LARP1: variants seen among roughly 807,000 people sequenced by gnomAD.
LARP1 encodes la-related protein 1.
In LARP1, 36 loss-of-function variants were observed where a neutral mutation model predicts 122.7. The observed-to-expected ratio is 0.29, with a 90% CI of 0.22 to 0.39. The LOEUF (loss-of-function observed/expected upper bound fraction) is 0.39. Ranked by LOEUF, LARP1 falls within the 10% of genes least tolerant of loss-of-function variation. The pLI is 1.00. For synonymous variants in LARP1, 539 were observed against 528.7 expected (o/e 1.02, Z -0.27); for missense variants, 1,040 against 1,403.6 (o/e 0.74, Z 4.14).
intron 1 of LARP1, among the ~76,000 whole-genome samples, chr5:154,740,636 C>T (rs1484420223): frequency 6.6e-6 from 1 of 152,154 alleles, no homozygotes; most frequent in Non-Finnish European, 1.5e-5. Context: ...GGCAGCCTGG[C>T]CGGAAGCCCA....
upstream of LARP1, among the ~76,000 whole-genome samples, chr5:154,709,598 ATTTTTTT>A (rs60062105): frequency 2.5e-5 from 2 of 81,350 alleles, no homozygotes; most frequent in Admixed American, 1.5e-4. Context: ...CTCCAGTGAG[ATTTTTTT>A]TTTTTTTTTT....
At chr5:154,691,569 G>C (rs1043089768) in intron 1 of LARP1, among the ~76,000 whole-genome samples, 5 of 152,190 alleles carry the variant, frequency 3.3e-5, no homozygotes, top group African/African-American at 1.2e-4. Flanking sequence ...TCGTTGAAAA[G>C]GCTCCGGGAT....
chr5:154,756,306 G>C, intron 1 of LARP1, 113 bp downstream of exon 1: 1 of 948,500 alleles, frequency 1.1e-6, no homozygotes, highest in Non-Finnish European at 1.3e-6. Context: ...TGGTGACTCG[G>C]GACTTTTTAA....
At chr5:154,692,894 G>A (rs901699309) in intron 1 of LARP1, among the ~76,000 whole-genome samples, 1 of 151,958 alleles carries the variant, frequency 6.6e-6, no homozygotes, top group African/African-American at 2.4e-5. Context: ...ACATATATAT[G>A]TGTGTGTATA....
chr5:154,748,549 A>G (rs144276037), intron 1 of LARP1, among the ~76,000 whole-genome samples: 1 of 152,334 alleles, frequency 6.6e-6, no homozygotes, highest in East Asian at 1.9e-4. Flanking sequence ...TTTTGTGAAG[A>G]AGTTGACATT....
intron 1 of LARP1, among the ~76,000 whole-genome samples, chr5:154,694,747 C>G (rs1004581371): frequency 2.0e-5 from 3 of 152,152 alleles, no homozygotes; most frequent in African/African-American, 4.8e-5. Context: ...CTTTAAAATG[C>G]TTTAGCCACA....
intron 1 of LARP1, among the ~76,000 whole-genome samples, chr5:154,683,756 CTT>C (rs1447052691): frequency 6.6e-6 from 1 of 152,236 alleles, no homozygotes; most frequent in Non-Finnish European, 1.5e-5. Context: ...ACCCACTAAT[CTT>C]TTCTACCAAA....
intron 1 of LARP1, among the ~76,000 whole-genome samples, chr5:154,786,165 CCT>C (rs1756863366): frequency 1.3e-5 from 2 of 152,148 alleles, no homozygotes; most frequent in East Asian, 3.8e-4. Flanking sequence ...GCCTCAGCCT[CCT>C]GAGTAGCTGG....
intron 1 of LARP1, among the ~76,000 whole-genome samples, chr5:154,773,238 C>T (rs1198092734): frequency 2.0e-5 from 3 of 152,062 alleles, no homozygotes; most frequent in African/African-American, 7.3e-5. Flanking sequence ...CCATGGGTTA[C>T]AAACTATGGC....
rs768571684 is a variant in LARP1, at chr5:154,803,358, G to A, written c.2178G>A (p.Glu726=). The A allele has an allele frequency of 5.6e-6, 9 of 1,614,134 alleles. No homozygotes were observed. Among genetic ancestry groups the A allele is most frequent in the Non-Finnish European group, 7.6e-6 (9 of 1,180,024 alleles). ...AGCAGTTTGACACACTGACCCCTGA[G>A]CCCCCTGTGGATCCCAACCAGGAAG... ...SREQFDTLTP[E]PPVDPNQEVP... Residue 726 remains glutamate (E), a synonymous_variant, in exon 12 of 19, where the codon GAG becomes GAA. Transcript: ENST00000518297. This position sits in a 1 kb window ranked among gnomAD's most constrained non-coding sequence, Gnocchi z 4.4.
chr5:154,754,262 C>A (rs2113528260), upstream of LARP1, among the ~76,000 whole-genome samples: 1 of 152,336 alleles, frequency 6.6e-6, no homozygotes. Context: ...ACTTTGTTAG[C>A]CTAGTTTATA....
At chr5:154,753,197 CAACT>C (rs1217997546), upstream of LARP1, among the ~76,000 whole-genome samples, 2 of 152,150 alleles carry the variant, frequency 1.3e-5, no homozygotes, top group African/African-American at 4.8e-5. Context: ...ACAAAAAGAA[CAACT>C]AACAATAATA....
At chr5:154,747,305 C>CAAAAA (rs1159076798) in intron 1 of LARP1, among the ~76,000 whole-genome samples, 1 of 74,586 alleles carries the variant, frequency 1.3e-5, no homozygotes, top group South Asian at 3.9e-4. Flanking sequence ...GACTCTGTCC[C>CAAAAA]AAAAAAAAAA....
intron 1 of LARP1, among the ~76,000 whole-genome samples, chr5:154,763,748 C>T (rs887465418): frequency 6.8e-6 from 1 of 147,956 alleles, no homozygotes; most frequent in African/African-American, 2.7e-5. Flanking sequence ...ATGCCTGTAA[C>T]CCCAGCACTT....
At chr5:154,753,554 C>T (rs2113524575), upstream of LARP1, among the ~76,000 whole-genome samples, 1 of 152,334 alleles carries the variant, frequency 6.6e-6, no homozygotes, top group Admixed American at 6.5e-5. Context: ...AGTAACATTA[C>T]CTTCCTTGGT....
Position 154,811,354 on chromosome 5 carries a change from C to G in LARP1, c.2951C>G (p.Ala984Gly), listed in dbSNP as rs751620020. ...GAGGAAACGGTGAAGGACTATGAAG[C>G]TGGTAAGAGCCAGAGTTGGATCTGA... ...FQEETVKDYE[A>G]GQLYGLEKFW... The change falls in exon 17 of 19, where the codon GCT becomes GGT. Residue 984 changes from alanine to glycine, a missense_variant and splice_region_variant. Physicochemically the swap from Ala to Gly is moderately conservative, Grantham distance 60. Transcript: ENST00000518297. The G allele has an allele frequency of 2.5e-6, 4 of 1,613,886 alleles. No homozygotes were observed. The highest frequency in any genetic ancestry group is 1.1e-5 in the South Asian group (1 of 91,070).
At chr5:154,727,091 A>T (rs1240389498) in intron 1 of LARP1, among the ~76,000 whole-genome samples, 1 of 152,216 alleles carries the variant, frequency 6.6e-6, no homozygotes, top group East Asian at 1.9e-4. Flanking sequence ...TACATATTTT[A>T]TATGAAATGT....
intron 1 of LARP1, among the ~76,000 whole-genome samples, chr5:154,750,163 T>C (rs1047523238): frequency 6.6e-6 from 1 of 152,248 alleles, no homozygotes; most frequent in Non-Finnish European, 1.5e-5. Context: ...AACAAGCACA[T>C]AATTAATTAC....
At chr5:154,724,980 T>C (rs114004883) in intron 1 of LARP1, among the ~76,000 whole-genome samples, 1,618 of 152,260 alleles carry the variant, frequency 0.011, 27 homozygotes, top group African/African-American at 0.037. Flanking sequence ...CTGGGAATTA[T>C]TAAAAGAGCT....
Sources: gnomAD v4.1 joint callset for allele counts (sites outside exome capture counted in the v4.1 genomes callset) on GRCh38, gnomAD v4.1.1 for gene constraint, Gnocchi (gnomAD v3.1) non-coding constraint, MANE v1.5 for transcripts, NCBI Gene and HGNC (gene_info 2026-07-23, HGNC 2026-07-21) for gene names.